The following SPAG17 variants were observed in gnomAD, a reference collection of about 807,000 sequenced individuals.
SPAG17 encodes the protein sperm-associated antigen 17.
A neutral mutation model predicts 273.6 loss-of-function variants in SPAG17; 169 were observed. That is an observed-to-expected ratio of 0.62 (90% CI 0.55 to 0.70). The LOEUF (loss-of-function observed/expected upper bound fraction) is 0.70, where lower values mean the gene tolerates loss of function less well. Among genes scored for constraint, SPAG17 ranks in the 30% least tolerant of loss-of-function variants. The pLI is 0.00. For synonymous variants in SPAG17, 825 were observed against 873.2 expected (o/e 0.94, Z 0.97); for missense variants, 2,557 against 2,627.8 (o/e 0.97, Z 0.59).
At chr1:117,996,254 A>G in intron 34 of SPAG17, 116 bp downstream of exon 34, 1 of 1,238,262 alleles carries the variant, frequency 8.1e-7, no homozygotes, top group Non-Finnish European at 1.1e-6. Context: ...TCCAAAGTAG[A>G]GCAGAAAAGT....
intron 18 of SPAG17, among the ~76,000 whole-genome samples, chr1:118,062,081 G>C (rs1332047037): frequency 3.3e-5 from 5 of 151,742 alleles, no homozygotes; most frequent in East Asian, 1.9e-4. Context: ...TAATATTAAA[G>C]AAAAGGCCGG....
At chr1:118,158,794 C>A (rs1460464344) in intron 1 of SPAG17, among the ~76,000 whole-genome samples, 1 of 152,090 alleles carries the variant, frequency 6.6e-6, no homozygotes, top group Admixed American at 6.6e-5. Flanking sequence ...AGTGCTAGGA[C>A]CATTTTGAAG....
chr1:118,141,711 C>T (rs1658692190), intron 3 of SPAG17, among the ~76,000 whole-genome samples: 1 of 152,038 alleles, frequency 6.6e-6, no homozygotes, highest in South Asian at 2.1e-4. Flanking sequence ...ACTGTTCTGC[C>T]CAGTTCACGT....
intron 28 of SPAG17, among the ~76,000 whole-genome samples, chr1:118,019,815 T>C (rs1660329046): frequency 6.6e-6 from 1 of 152,322 alleles, no homozygotes; most frequent in East Asian, 1.9e-4. Context: ...ATATTTTCAA[T>C]GTACTGAGAG....
chr1:118,170,087 A>G (rs917348932), intron 1 of SPAG17, among the ~76,000 whole-genome samples: 1 of 152,156 alleles, frequency 6.6e-6, no homozygotes, highest in Admixed American at 6.6e-5. Flanking sequence ...TGCCTTTAAT[A>G]CAAATGTTTT....
intron 1 of SPAG17, among the ~76,000 whole-genome samples, chr1:118,162,435 T>C (rs951061292): frequency 1.3e-5 from 2 of 152,160 alleles, no homozygotes; most frequent in African/African-American, 4.8e-5. Flanking sequence ...TAATATTTAC[T>C]GAGGGGTTAC....
chr1:118,069,402 A>G (rs1653341881), intron 17 of SPAG17, among the ~76,000 whole-genome samples: 1 of 147,896 alleles, frequency 6.8e-6, no homozygotes, highest in Non-Finnish European at 1.5e-5. Context: ...ATATATTTGG[A>G]GGTATACCCC....
intron 43 of SPAG17, among the ~76,000 whole-genome samples, chr1:117,977,447 T>C (rs1655265963): frequency 6.6e-6 from 1 of 152,254 alleles, no homozygotes; most frequent in African/African-American, 2.4e-5. Context: ...AAATTTGCTG[T>C]ATGATTTTTA....
At chr1:118,035,645 A>G (rs1160895056) in intron 24 of SPAG17, among the ~76,000 whole-genome samples, 1 of 152,210 alleles carries the variant, frequency 6.6e-6, no homozygotes, top group Non-Finnish European at 1.5e-5. Context: ...TTGAAAATTT[A>G]TCTCTGCAAA....
At chr1:118,110,513 A>T (rs1337763542) in intron 4 of SPAG17, among the ~76,000 whole-genome samples, 1 of 152,196 alleles carries the variant, frequency 6.6e-6, no homozygotes, top group African/African-American at 2.4e-5. Flanking sequence ...GCAGAAGGAC[A>T]TTAGGAATAA....
chr1:118,086,289 C>T (rs1207248181), intron 12 of SPAG17, among the ~76,000 whole-genome samples: 1 of 152,180 alleles, frequency 6.6e-6, no homozygotes, highest in Non-Finnish European at 1.5e-5. Context: ...ATGACTGATT[C>T]TTCATTCACA....
At chr1:118,089,045 T>C (rs965802516) in intron 10 of SPAG17, among the ~76,000 whole-genome samples, 21 of 152,088 alleles carry the variant, frequency 1.4e-4, no homozygotes, top group African/African-American at 5.1e-4. Flanking sequence ...TATATTCTAG[T>C]AGGAGGACGG....
chr1:118,121,088 C>T (rs555762637), intron 3 of SPAG17, among the ~76,000 whole-genome samples: 1 of 152,078 alleles, frequency 6.6e-6, no homozygotes, highest in South Asian at 2.1e-4. Flanking sequence ...GAGAGCAGCA[C>T]CCCTGGGCTT....
At chr1:117,984,142 G>A (rs1008257124) in intron 41 of SPAG17, among the ~76,000 whole-genome samples, 1 of 152,178 alleles carries the variant, frequency 6.6e-6, no homozygotes, top group Non-Finnish European at 1.5e-5. Flanking sequence ...AGGGCGTTCT[G>A]AACATATGAA....
intron 10 of SPAG17, among the ~76,000 whole-genome samples, chr1:118,090,020 G>A (rs1380745073): frequency 6.6e-6 from 1 of 152,168 alleles, no homozygotes; most frequent in African/African-American, 2.4e-5. Flanking sequence ...CTCCAGCCAT[G>A]CGGAACTGTG....
At chr1:118,077,163 C>A (rs530703849) in intron 15 of SPAG17, among the ~76,000 whole-genome samples, 1 of 152,080 alleles carries the variant, frequency 6.6e-6, no homozygotes, top group East Asian at 1.9e-4. Flanking sequence ...TTAAAGTTGG[C>A]GGCTTTGAAG....
chr1:118,135,102 C>G (rs1658264520), intron 3 of SPAG17, among the ~76,000 whole-genome samples: 1 of 152,172 alleles, frequency 6.6e-6, no homozygotes, highest in Admixed American at 6.5e-5. Context: ...AATTAGCACA[C>G]AAATTACCCA....
intron 48 of SPAG17, among the ~76,000 whole-genome samples, chr1:117,958,142 C>G (rs1031835721): frequency 2.0e-5 from 3 of 152,086 alleles, no homozygotes; most frequent in African/African-American, 7.2e-5. Context: ...CAGCCAATGC[C>G]AAATAGTTAA....
chr1:118,111,658 T>TTCCAATGAAATGAAAATGAGAGAG (rs1656770505), intron 4 of SPAG17, among the ~76,000 whole-genome samples: 1 of 151,834 alleles, frequency 6.6e-6, no homozygotes, highest in Non-Finnish European at 1.5e-5. Flanking sequence ...GGAAGGTGTC[T>TTCCAATGAAATGAAAATGAGAGAG]GTGAAAACTA....
Sources: gnomAD v4.1 joint callset for allele counts (sites outside exome capture counted in the v4.1 genomes callset) on GRCh38, gnomAD v4.1.1 for gene constraint, MANE v1.5 for transcripts, NCBI Gene and HGNC (gene_info 2026-07-23, HGNC 2026-07-21) for gene names.